The following KIAA0825 variants were observed in gnomAD, a reference collection of about 807,000 sequenced individuals.
The protein encoded by KIAA0825 is KIAA0825, also known as uncharacterized protein KIAA0825.
KIAA0825 carries 119 observed loss-of-function variants against 147.6 expected under a neutral mutation model. The ratio of observed to expected loss-of-function variants is 0.81; its 90% CI spans 0.69 to 0.94. The LOEUF is 0.94. Among genes scored for constraint, KIAA0825 ranks in the 40% least tolerant of loss-of-function variants. The pLI, the probability that KIAA0825 is intolerant of heterozygous loss-of-function variation, is 0.00. For synonymous variants in KIAA0825, 470 were observed against 518.1 expected (o/e 0.91, Z 1.26); for missense variants, 1,381 against 1,472.7 (o/e 0.94, Z 1.02).
intron 20 of KIAA0825, 30 bp downstream of exon 20, chr5:94,384,338 C>T: frequency 6.6e-7 from 1 of 1,512,084 alleles, no homozygotes; most frequent in East Asian, 2.5e-5. Flanking sequence ...TGTCCCTCAA[C>T]CAGACCCCCA....
At chr5:94,301,564 T>A (rs1778405664) in intron 20 of KIAA0825, among the ~76,000 whole-genome samples, 1 of 152,030 alleles carries the variant, frequency 6.6e-6, no homozygotes, top group Admixed American at 6.6e-5. Flanking sequence ...AAACCCTGTA[T>A]ATGAGTGCTT....
At chr5:94,614,466 C>A (rs1561399283) in intron 1 of KIAA0825, among the ~76,000 whole-genome samples, 1 of 152,240 alleles carries the variant, frequency 6.6e-6, no homozygotes, top group Non-Finnish European at 1.5e-5. Flanking sequence ...ACATCTCTAA[C>A]TTGCCCACAG....
intron 2 of KIAA0825, among the ~76,000 whole-genome samples, chr5:94,556,607 CTTTAA>C (rs368517845): frequency 5.3e-5 from 8 of 152,306 alleles, no homozygotes; most frequent in African/African-American, 1.9e-4. Flanking sequence ...TTTAGCTTAA[CTTTAA>C]TTTGATTAAA....
intron 20 of KIAA0825, among the ~76,000 whole-genome samples, chr5:94,165,059 C>G (rs1188134887): frequency 1.3e-5 from 2 of 151,972 alleles, no homozygotes; most frequent in Non-Finnish European, 2.9e-5. Flanking sequence ...ATACAATCAA[C>G]AAAGCAAAGA....
At position 94,526,594 on chromosome 5, in the gene KIAA0825, G is replaced by A. The variant is rs528617010; in HGVS notation, c.132-2496C>T. 2.6e-5 allele frequency among the ~76,000 whole-genome samples: 4 copies of A among 151,940 alleles called. No homozygotes were observed. The East Asian group carries it at 5.8e-4, about 22-fold the overall frequency. ...GGCTGTGTATAAATCAATTTATAAA[G>A]CATTTTTAAAATGCAATATGGAGTA... On this transcript the variant is annotated intron_variant, in intron 3 of 20. Transcript: ENST00000682413.
Position 94,152,199 on chromosome 5 carries a change from TTCCTAATGTGGCC to T in KIAA0825, c.*1795_*1807del, listed in dbSNP as rs1766553909. 6.6e-6 allele frequency among the ~76,000 whole-genome samples: 1 copy of T among 152,200 alleles called. No homozygotes were observed. Among genetic ancestry groups the T allele is most frequent in the Non-Finnish European group, 1.5e-5 (1 of 68,036 alleles). ...TATTTAAAGAAAAAATGTAAGAGAT[TTCCTAATGTGGCC>T]TCCTCTGCACCCCAAGCTTTTACTC... On this transcript the variant is annotated 3_prime_UTR_variant, in exon 21 of 21. Coordinates refer to ENST00000682413, the MANE Select transcript of KIAA0825 (RefSeq NM_001145678.3).
chr5:94,492,942 G>A lies in KIAA0825; in HGVS notation c.971-8012C>T, dbSNP rs12652655. ...AGACCTTCCATTGCATCTTTACGGC[G>A]TCAGTTCTTCAAAACACTGGTTTTG... On this transcript the variant is annotated intron_variant, in intron 5 of 20. Transcript: ENST00000682413. Among the ~76,000 whole-genome samples, 893 of 152,242 alleles carry A rather than the reference G, an allele frequency of 5.9e-3. 51 individuals carry two copies. In the East Asian group the frequency reaches 0.14, roughly 24 times the overall value.
chr5:94,596,737 C>T (rs2152408088), intron 1 of KIAA0825, among the ~76,000 whole-genome samples: 1 of 152,172 alleles, frequency 6.6e-6, no homozygotes, highest in East Asian at 1.9e-4. Flanking sequence ...TTATTTGTGT[C>T]ATCTCTGATT....
At chr5:94,561,673 T>C (rs1452160314) in intron 2 of KIAA0825, among the ~76,000 whole-genome samples, 1 of 152,230 alleles carries the variant, frequency 6.6e-6, no homozygotes, top group East Asian at 1.9e-4. Context: ...CACAGGATTT[T>C]CCACAATGCA....
At chr5:94,321,280 A>T (rs958045036) in intron 20 of KIAA0825, among the ~76,000 whole-genome samples, 5 of 151,996 alleles carry the variant, frequency 3.3e-5, no homozygotes, top group Admixed American at 6.6e-5. Flanking sequence ...ATTTGATTTT[A>T]TTTACTTGTC....
intron 5 of KIAA0825, among the ~76,000 whole-genome samples, chr5:94,501,705 T>C (rs1304568391): frequency 6.6e-6 from 1 of 152,264 alleles, no homozygotes; most frequent in Non-Finnish European, 1.5e-5. Context: ...TGTATCTAGA[T>C]ATTCATGCTT....
intron 3 of KIAA0825, among the ~76,000 whole-genome samples, chr5:94,535,493 CAAAAAAA>C (rs11362220): frequency 1.2e-4 from 4 of 32,136 alleles, no homozygotes; most frequent in Non-Finnish European, 2.0e-4. Flanking sequence ...CTGGGTGACT[CAAAAAAA>C]AAAAAAAAAA....
intron 2 of KIAA0825, among the ~76,000 whole-genome samples, chr5:94,550,793 G>C (rs1191645520): frequency 6.7e-6 from 1 of 148,846 alleles, no homozygotes; most frequent in Admixed American, 6.7e-5. Flanking sequence ...AGTGAGCCCA[G>C]ATCGCACCAC....
intron 13 of KIAA0825, among the ~76,000 whole-genome samples, chr5:94,447,309 G>A (rs1365206975): frequency 1.3e-5 from 2 of 151,920 alleles, no homozygotes; most frequent in African/African-American, 2.4e-5. Context: ...CAAGAAAAAA[G>A]GTTACAGTAT....
intron 5 of KIAA0825, among the ~76,000 whole-genome samples, chr5:94,491,178 C>T (rs1457187443): frequency 2.0e-5 from 3 of 152,034 alleles, no homozygotes; most frequent in Non-Finnish European, 2.9e-5. Context: ...GTAAATGGAT[C>T]CATTTTCAGT....
intron 20 of KIAA0825, among the ~76,000 whole-genome samples, chr5:94,346,903 G>C (rs1783064585): frequency 6.6e-6 from 1 of 152,142 alleles, no homozygotes; most frequent in African/African-American, 2.4e-5. Flanking sequence ...CTTGGAGGCA[G>C]ATAGCCTGGG....
intron 20 of KIAA0825, among the ~76,000 whole-genome samples, chr5:94,260,226 A>G (rs1177613241): frequency 6.6e-6 from 1 of 152,140 alleles, no homozygotes; most frequent in South Asian, 2.1e-4. Flanking sequence ...TATTAGAGAC[A>G]AAACATTGCT....
intron 20 of KIAA0825, among the ~76,000 whole-genome samples, chr5:94,351,004 A>G (rs1309178181): frequency 4.6e-5 from 7 of 151,450 alleles, no homozygotes; most frequent in Non-Finnish European, 8.8e-5. Flanking sequence ...CTCCTGCCTC[A>G]GCCTCCTGAA....
intron 2 of KIAA0825, among the ~76,000 whole-genome samples, chr5:94,567,118 G>A (rs1050053325): frequency 5.9e-5 from 9 of 152,088 alleles, no homozygotes; most frequent in Non-Finnish European, 8.8e-5. Flanking sequence ...ATTTCAAAGC[G>A]TAATTGGGAA....
Sources: gnomAD v4.1 joint callset for allele counts (sites outside exome capture counted in the v4.1 genomes callset) on GRCh38, gnomAD v4.1.1 for gene constraint, MANE v1.5 for transcripts, NCBI Gene and HGNC (gene_info 2026-07-23, HGNC 2026-07-21) for gene names.